HELZ2: variants seen among roughly 807,000 people sequenced by gnomAD.
HELZ2 encodes helicase with zinc finger 2, also known as 3'-5' exoribonuclease HELZ2.
A neutral mutation model predicts 208.8 loss-of-function variants in HELZ2; 143 were observed. The observed-to-expected ratio is 0.68, with a 90% confidence interval of 0.60 to 0.79. The LOEUF is 0.79. Ranked by LOEUF, HELZ2 falls within the 30% of genes least tolerant of loss-of-function variation. The probability of loss-of-function intolerance (pLI) is 0.00; values close to 1 mark genes in which losing one functional copy is unlikely to be tolerated. For synonymous variants in HELZ2, 1,705 were observed against 1,693.7 expected (o/e 1.01, Z -0.16); for missense variants, 3,690 against 3,794.5 (o/e 0.97, Z 0.72).
exon 8 of HELZ2, chr20:63,563,278 C>G: frequency 6.4e-7 from 1 of 1,554,092 alleles, no homozygotes; most frequent in Non-Finnish European, 8.6e-7. Flanking sequence ...CGCCCTTCTC[C>G]TGGATGAGAG....
exon 4 of HELZ2, chr20:63,569,502 G>A (rs745748003): frequency 1.4e-5 from 23 of 1,611,354 alleles, no homozygotes; most frequent in East Asian, 2.2e-5. Flanking sequence ...GGTGCCGAAC[G>A]AGGCAGCCTG....
At position 63,559,288 on chromosome 20, in the gene HELZ2, G is replaced by A. The variant is rs80025449; in HGVS notation, c.7908C>T (p.Ala2636=). The A allele has an allele frequency of 8.0e-3, 12,685 of 1,592,092 alleles. 69 individuals are homozygous for A. The highest frequency in any genetic ancestry group is 9.5e-3 in the Non-Finnish European group (11,155 of 1,169,740). The change falls in exon 19 of 19, where the codon GCC becomes GCT. Residue 2636 remains alanine, a synonymous_variant. Transcript: ENST00000467148. The stretch of plus-strand genomic sequence containing the variant: ...GCCTCCTGCAGACGCGCACCTGGCC[G>A]GCAGGCACGAGGGTCTGCTGAGCCT...
At chr20:63,570,652 A>ACCCCCC in intron 2 of HELZ2, 33 bp downstream of exon 3, 1 of 898,450 alleles carries the variant, frequency 1.1e-6, no homozygotes, top group Non-Finnish European at 1.5e-6. Flanking sequence ...CCTGGACCCC[A>ACCCCCC]CCCCACCCCA....
chr20:63,562,015 AC>A (rs1219552721), intron 10 of HELZ2, 31 bp from the exon 12 acceptor site: 2 of 1,596,324 alleles, frequency 1.3e-6, no homozygotes, highest in South Asian at 2.2e-5. Context: ...ATTGTAGCCC[AC>A]CCTGTGGGTC....
exon 6 of HELZ2, chr20:63,566,895 G>A: frequency 6.2e-7 from 1 of 1,608,336 alleles, no homozygotes; most frequent in Non-Finnish European, 8.5e-7. Context: ...GGCCGCCCCA[G>A]CAGCTGGGCC....
exon 6 of HELZ2, chr20:63,567,513 T>C (rs966539241): frequency 1.3e-6 from 2 of 1,560,412 alleles, no homozygotes; most frequent in African/African-American, 2.7e-5. Flanking sequence ...GCAGCGTGAC[T>C]GGGTCCGTCT....
In HELZ2 at chr20:63,562,069, T is replaced by C. The variant is rs1215586545; in HGVS notation, c.6529+3A>G. 1 of 1,594,194 alleles carries C rather than the reference T, an allele frequency of 6.3e-7. No individual in the cohort carries two copies. The highest frequency in any genetic ancestry group is 1.7e-5 in the Admixed American group (1 of 59,192). ...CCTGCGGCTCCCCCGGCATGGGCCC[T>C]ACCTGGTGGGCCCTGAATGACCGTG... On this transcript the variant is annotated splice_donor_region_variant and intron_variant, in intron 10 of 18. Coordinates refer to ENST00000467148, the Ensembl canonical transcript of HELZ2.
upstream of HELZ2, chr20:63,572,475 G>A: frequency 7.4e-7 from 1 of 1,352,874 alleles, no homozygotes; most frequent in Non-Finnish European, 9.7e-7. Context: ...GCAGGAGGCT[G>A]GCCGGCCCGG....
chr20:63,564,286 C>G, exon 8 of HELZ2: 1 of 1,608,968 alleles, frequency 6.2e-7, no homozygotes, highest in South Asian at 1.1e-5. Flanking sequence ...GGGTGCCGTC[C>G]TCGTCCGGCT....
At chr20:63,572,398 G>T (rs772846243) in exon 1 of HELZ2, 5 of 1,497,148 alleles carry the variant, frequency 3.3e-6, no homozygotes, top group Non-Finnish European at 8.9e-7. Flanking sequence ...CCACGGCGCT[G>T]TGTGCAAACT....
At chr20:63,570,952 C>T (rs1264205509) in intron 1 of HELZ2, 84 bp from the exon 3 acceptor site, 5 of 1,088,360 alleles carry the variant, frequency 4.6e-6, no homozygotes, top group Non-Finnish European at 6.6e-6. Flanking sequence ...CAGCCCAATA[C>T]TGGCCTCTGT....
exon 19 of HELZ2, chr20:63,559,259 G>A (rs1472476697): frequency 1.9e-6 from 3 of 1,570,738 alleles, no homozygotes; most frequent in South Asian, 2.3e-5. Context: ...GGAAGGCATA[G>A]TTGGCCTCCT....
exon 8 of HELZ2, chr20:63,564,084 G>C (rs772329795): frequency 1.9e-6 from 3 of 1,608,194 alleles, no homozygotes; most frequent in South Asian, 2.2e-5. Context: ...TGGTGGCCGA[G>C]GTGCAGTGAC....
rs755263714 is a variant in HELZ2, at chr20:63,560,553, C to T, written c.7426G>A (p.Glu2476Lys). 6 of 1,613,026 alleles carry T rather than the reference C, an allele frequency of 3.7e-6. No individual in the cohort carries two copies. Among genetic ancestry groups the T allele is most frequent in the South Asian group, 3.3e-5 (3 of 91,080 alleles). Residue 2476 changes from glutamate to lysine, a missense_variant, in exon 16 of 19, where the codon GAG (glutamate) becomes AAG (lysine). Physicochemically the swap from Glu to Lys is moderately conservative, Grantham distance 56 (BLOSUM62 1). This residue lies in a region of HELZ2 where 2,564 missense variants were observed against 2,580.5 expected (regional missense o/e 0.99). Coordinates refer to ENST00000467148, the Ensembl canonical transcript of HELZ2. ...TCCGTGGACACCAGCAGGCTCCGCTCGTGGCCCTGCACGTGGCCAAAGATG... is the reference window on the plus strand; with the variant it reads ...TCCGTGGACACCAGCAGGCTCCGCTTGTGGCCCTGCACGTGGCCAAAGATG...
exon 4 of HELZ2, chr20:63,569,438 C>T (rs748833812): frequency 4.4e-6 from 7 of 1,608,870 alleles, no homozygotes; most frequent in East Asian, 4.5e-5. Flanking sequence ...GCAGCCCCAG[C>T]TTTTGTAGCA....
intron 6 of HELZ2, 41 bp downstream of exon 7, chr20:63,566,803 A>C: frequency 6.5e-7 from 1 of 1,530,848 alleles, no homozygotes; most frequent in Non-Finnish European, 8.8e-7. Flanking sequence ...CTCCCCCAGC[A>C]GGGGTGCGGT....
chr20:63,569,118 C>G (rs6089923), intron 4 of HELZ2, 30 bp downstream of exon 5: 340,792 of 1,576,756 alleles, frequency 0.22, 42,056 homozygotes, highest in East Asian at 0.56. Flanking sequence ...GCTCCTGCTA[C>G]CCCAGCTGCT....
exon 5 of HELZ2, chr20:63,568,455 G>A: frequency 1.2e-6 from 2 of 1,600,452 alleles, no homozygotes; most frequent in Non-Finnish European, 1.7e-6. Context: ...GTGCCAAAGG[G>A]GCCATAGATG....
In HELZ2 at chr20:63,562,710, C is replaced by G. The variant is rs548025444; in HGVS notation, c.6112G>C (p.Gly2038Arg). The change falls in exon 8 of 19, where the codon GGC (glycine) becomes CGC (arginine). Residue 2038 changes from glycine to arginine, a missense_variant. By Grantham distance (125) the Gly-to-Arg change is moderately radical (BLOSUM62 -2). Around this residue, in one of 3 missense-constraint regions of HELZ2, gnomAD observed 2,564 missense variants for 2,580.5 expected, o/e 0.99. Transcript: ENST00000467148. Reference sequence around the variant, plus strand: ...CCGTGGGCCACCCAGGTATACGTGCCGGGGTCAACATTCAGGCCAGGGCCG... The same window carrying G: ...CCGTGGGCCACCCAGGTATACGTGCGGGGGTCAACATTCAGGCCAGGGCCG... The G allele has an allele frequency of 1.9e-6, 3 of 1,600,384 alleles. No homozygotes were observed. In the Admixed American group the frequency reaches 5.2e-5, roughly 28 times the overall value.
Sources: allele counts gnomAD v4.1 joint callset, GRCh38; gene constraint gnomAD v4.1.1; regional missense constraint gnomAD v4.1.1; transcripts MANE v1.5; gene names NCBI Gene and HGNC (gene_info 2026-07-23, HGNC 2026-07-21).